Variants in C1orf141 observed in about 807,000 individuals in gnomAD.
The protein encoded by C1orf141 is uncharacterized protein C1orf141.
Under a neutral mutation model 23.2 loss-of-function variants are expected in C1orf141, and 19 were observed. That is an observed-to-expected ratio of 0.82 (90% CI 0.57 to 1.20). The LOEUF is 1.20. Ranked by LOEUF, C1orf141 falls within the 50% of genes most tolerant of loss-of-function variation. C1orf141 has a pLI of 0.00. For synonymous variants in C1orf141, 153 were observed against 154.6 expected (o/e 0.99, Z 0.08); for missense variants, 469 against 455.1 (o/e 1.03, Z -0.28).
chr1:67,108,734 A>G (rs1381745105), intron 5 of C1orf141, among the ~76,000 whole-genome samples: 1 of 150,252 alleles, frequency 6.7e-6, no homozygotes, highest in Non-Finnish European at 1.5e-5. Flanking sequence ...TCTCAAAAAA[A>G]CAAACAAACA....
intron 1 of C1orf141, among the ~76,000 whole-genome samples, chr1:67,134,702 T>C (rs1292166526): frequency 5.3e-5 from 8 of 152,100 alleles, no homozygotes; most frequent in African/African-American, 1.4e-4. Context: ...ATGCAAAGGG[T>C]TCTTCCGCGA....
intron 4 of C1orf141, 130 bp from the exon 5 acceptor site, chr1:67,115,594 T>A (rs932162740): frequency 2.8e-5 from 14 of 505,610 alleles, no homozygotes; most frequent in African/African-American, 2.6e-4. Flanking sequence ...GTTGTCACAG[T>A]ACCAAGTGTG....
intron 5 of C1orf141, 44 bp from the exon 6 acceptor site, chr1:67,096,365 G>T: frequency 1.1e-6 from 1 of 945,798 alleles, no homozygotes; most frequent in Non-Finnish European, 1.6e-6. Flanking sequence ...TAGATATTCT[G>T]ACATTTAGGA....
intron 4 of C1orf141, 107 bp from the exon 5 acceptor site, chr1:67,115,571 A>C (rs1423639543): frequency 5.6e-6 from 3 of 533,390 alleles, no homozygotes; most frequent in Non-Finnish European, 9.9e-6. Context: ...ACAGACTTGG[A>C]TGTTATGTTA....
intron 4 of C1orf141, among the ~76,000 whole-genome samples, chr1:67,116,228 C>T (rs1646190824): frequency 6.6e-6 from 1 of 152,178 alleles, no homozygotes; most frequent in Non-Finnish European, 1.5e-5. Context: ...CTTCTCCTCA[C>T]CCAGGTTTCC....
At chr1:67,110,536 C>A (rs532870368) in intron 5 of C1orf141, among the ~76,000 whole-genome samples, 10 of 152,094 alleles carry the variant, frequency 6.6e-5, no homozygotes, top group African/African-American at 2.2e-4. Context: ...AACTTGGTTG[C>A]TTCTGAAAAG....
At chr1:67,114,723 C>A (rs8179312) in intron 5 of C1orf141, among the ~76,000 whole-genome samples, 1 of 152,206 alleles carries the variant, frequency 6.6e-6, no homozygotes. Context: ...GTCACCCAGG[C>A]TGGAGTGCAG....
upstream of C1orf141, among the ~76,000 whole-genome samples, chr1:67,136,593 TATC>T (rs748004868): frequency 1.9e-4 from 29 of 152,342 alleles, no homozygotes; most frequent in Non-Finnish European, 2.9e-4. Context: ...CTTAGAATAT[TATC>T]ATTATCTCAG....
At chr1:67,121,172 C>T (rs1646291511) in intron 4 of C1orf141, among the ~76,000 whole-genome samples, 1 of 152,100 alleles carries the variant, frequency 6.6e-6, no homozygotes, top group African/African-American at 2.4e-5. Context: ...AATAACCTTG[C>T]CTTTGGGTGT....
chr1:67,140,814 A>T (rs1365383979), intron 1 of C1orf141, among the ~76,000 whole-genome samples: 2 of 152,178 alleles, frequency 1.3e-5, no homozygotes, highest in East Asian at 3.8e-4. Context: ...TATTAGATTT[A>T]TTATGTGTCA....
chr1:67,139,562 A>G (rs75185926), upstream of C1orf141, among the ~76,000 whole-genome samples: 2 of 152,176 alleles, frequency 1.3e-5, no homozygotes, highest in Non-Finnish European at 2.9e-5. Flanking sequence ...AAAGACCACA[A>G]CTTAATATTT....
At chr1:67,109,630 T>C (rs1646021837) in intron 5 of C1orf141, among the ~76,000 whole-genome samples, 1 of 152,226 alleles carries the variant, frequency 6.6e-6, no homozygotes, top group Non-Finnish European at 1.5e-5. Context: ...AACTGCTGGG[T>C]TCTTCCTGGT....
At position 67,130,460 on chromosome 1, in the gene C1orf141, C is replaced by T. The variant is rs1382620715; in HGVS notation, c.-18+682G>A. ...ACAGTAAGGTGTCCTACACCTCTCA[C>T]TTTTAGTCACCCCATCTTCAACACC... On this transcript the variant is annotated intron_variant, in intron 2 of 7. Coordinates refer to ENST00000684719, the MANE Select transcript of C1orf141 (RefSeq NM_001276351.2). 2.0e-5 allele frequency among the ~76,000 whole-genome samples: 3 copies of T among 152,176 alleles called. No individual in the cohort carries two copies. The East Asian group carries it at 5.8e-4, about 29-fold the overall frequency.
intron 5 of C1orf141, chr1:67,113,694 C>G (rs1273741737): frequency 1.3e-5 from 17 of 1,275,988 alleles, no homozygotes; most frequent in African/African-American, 1.5e-5. Flanking sequence ...AAGTTTCATA[C>G]TAAGTACAAT....
chr1:67,132,370 A>G (rs1249735715), intron 1 of C1orf141, among the ~76,000 whole-genome samples: 1 of 152,046 alleles, frequency 6.6e-6, no homozygotes, highest in Non-Finnish European at 1.5e-5. Context: ...AATACAAAAA[A>G]AAATTAGCTG....
chr1:67,117,615 C>T (rs17129664), intron 4 of C1orf141, among the ~76,000 whole-genome samples: 16,418 of 152,068 alleles, frequency 0.11, 969 homozygotes, highest in African/African-American at 0.15. Context: ...TTGGGGAGGA[C>T]TTCTAGGAGA....
At chr1:67,117,850 G>A (rs1355180634) in intron 4 of C1orf141, among the ~76,000 whole-genome samples, 1 of 152,190 alleles carries the variant, frequency 6.6e-6, no homozygotes, top group Admixed American at 6.5e-5. Flanking sequence ...AAAGAGCATA[G>A]GCTTTGAAGT....
chr1:67,140,587 G>A (rs1429217790), intron 1 of C1orf141, among the ~76,000 whole-genome samples: 1 of 152,112 alleles, frequency 6.6e-6, no homozygotes, highest in Non-Finnish European at 1.5e-5. Flanking sequence ...TGGTTGAACT[G>A]TACATTGTTA....
chr1:67,103,236 AC>A, intron 5 of C1orf141: 1 of 1,390,810 alleles, frequency 7.2e-7, no homozygotes, highest in Non-Finnish European at 9.6e-7. Context: ...CAATTTGTAT[AC>A]CTGTAAATAA....
Sources: allele counts gnomAD v4.1 joint callset (sites outside exome capture counted in the v4.1 genomes callset), GRCh38; gene constraint gnomAD v4.1.1; transcripts MANE v1.5; gene names NCBI Gene and HGNC (gene_info 2026-07-23, HGNC 2026-07-21).